Variants in GRM7 observed in about 807,000 individuals in gnomAD.
GRM7 encodes glutamate metabotropic receptor 7.
GRM7 carries 35 observed loss-of-function variants against 84.5 expected under a neutral mutation model. That is an observed-to-expected ratio of 0.41 (90% confidence interval 0.32 to 0.55). The LOEUF (loss-of-function observed/expected upper bound fraction) is 0.55. GRM7 is among the 20% of genes least tolerant of loss of function. The pLI is 0.19. For missense variants in GRM7, 1,003 were observed against 1,194.6 expected, an observed-to-expected ratio of 0.84 and a Z score of 2.36; for synonymous variants, 487 against 455.1, an observed-to-expected ratio of 1.07 and a Z score of -0.89.
intron 1 of GRM7, among the ~76,000 whole-genome samples, chr3:7,007,076 C>G (rs1218241027): frequency 6.6e-6 from 1 of 152,166 alleles, no homozygotes; most frequent in Non-Finnish European, 1.5e-5. Context: ...CAAGGTATTT[C>G]TCCTTCGGTC....
intron 9 of GRM7, among the ~76,000 whole-genome samples, chr3:7,733,756 T>G (rs535215230): frequency 6.6e-6 from 1 of 152,330 alleles, no homozygotes; most frequent in South Asian, 2.1e-4. Context: ...AAGTAATTTA[T>G]GTGGCCCTGC....
At chr3:7,479,933 G>A (rs1699066858) in intron 7 of GRM7, among the ~76,000 whole-genome samples, 1 of 152,206 alleles carries the variant, frequency 6.6e-6, no homozygotes, top group African/African-American at 2.4e-5. Flanking sequence ...CCTTGCTACT[G>A]TGGCAACTTA....
At chr3:7,693,778 T>C (rs1159987053) in intron 9 of GRM7, 1 of 764,574 alleles carries the variant, frequency 1.3e-6, no homozygotes, top group Non-Finnish European at 2.2e-6. Context: ...AGAGACCTTA[T>C]CCTGTTTGCA....
At chr3:7,453,946 T>C (rs1234223795) in intron 6 of GRM7, among the ~76,000 whole-genome samples, 3 of 152,070 alleles carry the variant, frequency 2.0e-5, no homozygotes, top group African/African-American at 7.2e-5. Flanking sequence ...GGAGGAAGGT[T>C]AGAATGCTGC....
intron 7 of GRM7, among the ~76,000 whole-genome samples, chr3:7,523,780 C>A (rs956521233): frequency 6.6e-6 from 1 of 151,768 alleles, no homozygotes; most frequent in South Asian, 2.1e-4. Flanking sequence ...ATAGGTGGAT[C>A]GGGATATAGT....
intron 1 of GRM7, among the ~76,000 whole-genome samples, chr3:6,980,296 T>C (rs1425726202): frequency 6.6e-6 from 1 of 152,170 alleles, no homozygotes; most frequent in Non-Finnish European, 1.5e-5. Context: ...CATAGACCTT[T>C]ACAGAATTTG....
chr3:7,258,161 A>G (rs1415023357), intron 2 of GRM7, among the ~76,000 whole-genome samples: 1 of 152,152 alleles, frequency 6.6e-6, no homozygotes, highest in Non-Finnish European at 1.5e-5. Flanking sequence ...TGTTTCTTGC[A>G]GCTTTTTTCT....
intron 5 of GRM7, among the ~76,000 whole-genome samples, chr3:7,423,960 C>T (rs543277905): frequency 7.4e-4 from 112 of 152,200 alleles, no homozygotes; most frequent in Admixed American, 1.5e-3. Context: ...AGCCTCACTG[C>T]TGTAGAAACA....
At chr3:7,268,343 C>A (rs1341274699) in intron 2 of GRM7, among the ~76,000 whole-genome samples, 1 of 151,602 alleles carries the variant, frequency 6.6e-6, no homozygotes, top group African/African-American at 2.4e-5. Context: ...GTGGTCCCAG[C>A]TCCTCGTGAA....
In GRM7 at chr3:7,452,644, G is replaced by A. The variant is rs1414867812; in HGVS notation, c.1212G>A (p.Gln404=). ...TTGGAAAAGATTCCAACTATGAGCA[G>A]GAGGGTAAAGTCCAGTTCGTGATTG... ...ERIGKDSNYE[Q]EGKVQFVIDA... The change falls in exon 6 of 10, where the codon CAG becomes CAA. Residue 404 remains glutamine (Q), a synonymous_variant. Transcript: ENST00000357716. 1.2e-6 allele frequency: 2 copies of A among 1,613,192 alleles called. No homozygotes were observed. The highest frequency in any genetic ancestry group is 1.7e-6 in the Non-Finnish European group (2 of 1,179,292).
chr3:7,326,708 G>T (rs544431166), intron 4 of GRM7, among the ~76,000 whole-genome samples: 59 of 151,912 alleles, frequency 3.9e-4, no homozygotes, highest in Middle Eastern at 6.8e-3. Context: ...TTAGCCAGGT[G>T]TGGTGGCACA....
chr3:7,651,397 G>T (rs982223071), intron 8 of GRM7, among the ~76,000 whole-genome samples: 2 of 152,240 alleles, frequency 1.3e-5, no homozygotes, highest in African/African-American at 4.8e-5. Flanking sequence ...CCTCCCTGCT[G>T]TTGCAGAGAT....
chr3:7,499,397 T>C (rs1286445486), intron 7 of GRM7, among the ~76,000 whole-genome samples: 1 of 152,116 alleles, frequency 6.6e-6, no homozygotes, highest in African/African-American at 2.4e-5. Flanking sequence ...GTCAATGAAT[T>C]TGCAGACCTT....
At chr3:7,168,721 A>T (rs1400162) in intron 2 of GRM7, among the ~76,000 whole-genome samples, 1 of 151,968 alleles carries the variant, frequency 6.6e-6, no homozygotes, top group African/African-American at 2.4e-5. Context: ...GCTGCCATTT[A>T]CAATGGAAGG....
At chr3:7,569,014 C>T (rs897599184) in intron 7 of GRM7, among the ~76,000 whole-genome samples, 5 of 152,194 alleles carry the variant, frequency 3.3e-5, no homozygotes, top group Admixed American at 6.5e-5. Flanking sequence ...GCTCCACCTG[C>T]GCCCCTGTGT....
chr3:6,993,184 A>G (rs1694708204), intron 1 of GRM7, among the ~76,000 whole-genome samples: 1 of 152,144 alleles, frequency 6.6e-6, no homozygotes, highest in African/African-American at 2.4e-5. Context: ...ATCTCGTGAG[A>G]ACTTACTATC....
intron 1 of GRM7, among the ~76,000 whole-genome samples, chr3:6,935,712 T>TTAC (rs547755528): frequency 3.5e-4 from 50 of 144,228 alleles, no homozygotes; most frequent in Middle Eastern, 3.7e-3. Context: ...ATTATTATTA[T>TTAC]TGAGACAGAG....
chr3:7,068,946 T>G (rs1330375391), intron 1 of GRM7, among the ~76,000 whole-genome samples: 1 of 151,874 alleles, frequency 6.6e-6, no homozygotes, highest in Non-Finnish European at 1.5e-5. Flanking sequence ...TTAGTTCTGC[T>G]TTTCTCAATG....
Position 7,713,409 on chromosome 3 carries a change from A to G in GRM7, c.2699-26948A>G, listed in dbSNP as rs147389308. On this transcript the variant is annotated intron_variant, in intron 9 of 9. Transcript: ENST00000357716. ...CGCCTCAGTCTCCCAAAGTGCTGAG[A>G]TTACAGGTGTGAGCCACCGTGCCTG... 3.6e-3 allele frequency among the ~76,000 whole-genome samples: 545 copies of G among 152,144 alleles called. 11 individuals are homozygous for G. The East Asian group carries it at 0.08, about 22-fold the overall frequency.
Sources: gnomAD v4.1 joint callset for allele counts (sites outside exome capture counted in the v4.1 genomes callset) on GRCh38, gnomAD v4.1.1 for gene constraint, MANE v1.5 for transcripts, NCBI Gene and HGNC (gene_info 2026-07-23, HGNC 2026-07-21) for gene names.